Variants in ERC1 observed in about 807,000 individuals in gnomAD.
The protein encoded by ERC1 is RAB6 interacting protein 2.
ERC1 carries 56 observed loss-of-function variants against 132.0 expected under a neutral mutation model. The ratio of observed to expected loss-of-function variants is 0.42; its 90% CI spans 0.34 to 0.53. ERC1 has a LOEUF of 0.53. Among genes scored for constraint, ERC1 ranks in the 20% least tolerant of loss-of-function variants. The pLI is 0.03. For missense variants in ERC1, 1,202 were observed against 1,349.9 expected (o/e 0.89, Z 1.72); for synonymous variants, 478 against 476.1 (o/e 1.00, Z -0.05).
intron 17 of ERC1, among the ~76,000 whole-genome samples, chr12:1,440,475 C>G (rs12368058): frequency 0.021 from 3,015 of 145,292 alleles, 79 homozygotes; most frequent in South Asian, 0.052. Flanking sequence ...CAAAGTGCTG[C>G]GATTACAGGT....
At chr12:1,064,220 C>CTT (rs111805974) in intron 2 of ERC1, among the ~76,000 whole-genome samples, 35 of 142,276 alleles carry the variant, frequency 2.5e-4, no homozygotes, top group African/African-American at 4.4e-4. Flanking sequence ...GTTTAAAAAA[C>CTT]TTTTTTTTTT....
chr12:1,144,614 G>GTAT (rs1555268147), intron 8 of ERC1, among the ~76,000 whole-genome samples: 1 of 132,300 alleles, frequency 7.6e-6, no homozygotes. Flanking sequence ...GAATTTTGTG[G>GTAT]TATATATATA....
chr12:1,260,672 C>T (rs1478099794), intron 13 of ERC1, among the ~76,000 whole-genome samples: 2 of 152,186 alleles, frequency 1.3e-5, no homozygotes, highest in Admixed American at 6.5e-5. Flanking sequence ...ATTTTACCCA[C>T]TCGATAGATT....
chr12:1,120,267 A>G (rs1448253998), intron 7 of ERC1, among the ~76,000 whole-genome samples: 5 of 152,214 alleles, frequency 3.3e-5, no homozygotes, highest in Non-Finnish European at 7.3e-5. Flanking sequence ...CACAAGAATT[A>G]TAGGCAGGAG....
At chr12:1,208,834 G>A (rs1012998063) in intron 12 of ERC1, among the ~76,000 whole-genome samples, 1 of 152,112 alleles carries the variant, frequency 6.6e-6, no homozygotes, top group Non-Finnish European at 1.5e-5. Flanking sequence ...CCAGGCTGGA[G>A]TGCAGTGGCG....
intron 18 of ERC1, among the ~76,000 whole-genome samples, chr12:1,471,420 G>C (rs953823730): frequency 2.0e-5 from 3 of 152,224 alleles, no homozygotes; most frequent in African/African-American, 4.8e-5. Flanking sequence ...ACATAAGTAA[G>C]TTAGAAATTA....
intron 15 of ERC1, among the ~76,000 whole-genome samples, chr12:1,328,589 G>A (rs755126367): frequency 1.3e-5 from 2 of 151,910 alleles, no homozygotes; most frequent in Admixed American, 1.3e-4. Context: ...TGTACGCCAC[G>A]CCCATGTGAC....
chr12:1,449,105 T>A (rs180747627), intron 18 of ERC1, among the ~76,000 whole-genome samples: 270 of 152,306 alleles, frequency 1.8e-3, no homozygotes, highest in African/African-American at 6.2e-3. Flanking sequence ...AGTCTCTTCG[T>A]TTTGGCCAAT....
intron 7 of ERC1, among the ~76,000 whole-genome samples, chr12:1,137,492 A>C (rs1342148418): frequency 2.6e-5 from 4 of 152,108 alleles, no homozygotes; most frequent in African/African-American, 9.7e-5. Context: ...ATAGGGAGAT[A>C]ATGTTAGCTA....
intron 15 of ERC1, among the ~76,000 whole-genome samples, chr12:1,322,055 A>G (rs1014603405): frequency 6.7e-6 from 1 of 148,938 alleles, no homozygotes; most frequent in African/African-American, 2.5e-5. Flanking sequence ...CTGTGTTTTG[A>G]TGCTTTGATA....
At chr12:1,403,399 A>C (rs916659771) in intron 16 of ERC1, among the ~76,000 whole-genome samples, 1 of 152,202 alleles carries the variant, frequency 6.6e-6, no homozygotes, top group Non-Finnish European at 1.5e-5. Flanking sequence ...AGAAGAGCAT[A>C]CTATGAGAGC....
chr12:1,276,537 C>A (rs1476504256), intron 14 of ERC1, among the ~76,000 whole-genome samples: 1 of 151,926 alleles, frequency 6.6e-6, no homozygotes, highest in East Asian at 1.9e-4. Flanking sequence ...CTGTGCCCAG[C>A]CTCTCATGTT....
intron 16 of ERC1, among the ~76,000 whole-genome samples, chr12:1,404,662 A>G (rs1385814458): frequency 6.6e-6 from 1 of 151,906 alleles, no homozygotes; most frequent in Non-Finnish European, 1.5e-5. Context: ...TTTATTTTCA[A>G]CTTTTATTTT....
intron 13 of ERC1, among the ~76,000 whole-genome samples, chr12:1,248,714 G>A (rs2076298648): frequency 6.6e-6 from 1 of 152,140 alleles, no homozygotes; most frequent in Admixed American, 6.5e-5. Flanking sequence ...ATTGGAGTGG[G>A]ACAAGAGTCA....
intron 15 of ERC1, among the ~76,000 whole-genome samples, chr12:1,346,322 A>T (rs1191808203): frequency 6.6e-6 from 1 of 152,126 alleles, no homozygotes; most frequent in Non-Finnish European, 1.5e-5. Flanking sequence ...GCCATAGTTA[A>T]ATGTTTTGTC....
In ERC1 at chr12:1,168,130, A is replaced by AT. The variant is rs535335096; in HGVS notation, c.1738-12402dup. 3.2e-3 allele frequency among the ~76,000 whole-genome samples: 489 copies of AT among 151,466 alleles called. 2 individuals carry two copies. The highest frequency in any genetic ancestry group is 0.011 in the African/African-American group (451 of 41,302). ...TATACACAGCAAATTTGGTATTTTT[A>AT]TTTTTTTTGAGACAGGGTCTCATTC... On this transcript the variant is annotated intron_variant, in intron 8 of 18. Transcript: ENST00000360905.
chr12:1,394,537 G>T (rs1013963584), intron 16 of ERC1, among the ~76,000 whole-genome samples: 2 of 152,298 alleles, frequency 1.3e-5, no homozygotes, highest in East Asian at 3.9e-4. Context: ...GTTATTCACA[G>T]TGTTGAAGAA....
rs1277134554 is a variant in ERC1, at chr12:996,598, T to TA, written c.-157+5284dup. 3.3e-5 allele frequency among the ~76,000 whole-genome samples: 5 copies of TA among 151,826 alleles called. No homozygotes were observed. In the South Asian group the frequency reaches 6.2e-4, roughly 19 times the overall value. On this transcript the variant is annotated intron_variant, in intron 1 of 18. Coordinates refer to ENST00000360905, the MANE Select transcript of ERC1 (RefSeq NM_178040.4). ...ACATAGTGAGACCCCATCTGTAAAT[T>TA]AAAAAAAATCATTCTTTTCAGAACA...
intron 13 of ERC1, among the ~76,000 whole-genome samples, chr12:1,245,241 CTCT>C (rs2154309731): frequency 6.6e-6 from 1 of 152,154 alleles, no homozygotes; most frequent in South Asian, 2.1e-4. Context: ...TATCATTTTT[CTCT>C]TCTGTTCCTC....
Sources: allele counts gnomAD v4.1 joint callset (sites outside exome capture counted in the v4.1 genomes callset), GRCh38; gene constraint gnomAD v4.1.1; transcripts MANE v1.5; gene names NCBI Gene and HGNC (gene_info 2026-07-23, HGNC 2026-07-21).